The following COX7A2 variants were observed in gnomAD, a reference collection of about 807,000 sequenced individuals.
COX7A2 encodes the protein cytochrome c oxidase subunit 7A2, mitochondrial.
A neutral mutation model predicts 11.6 loss-of-function variants in COX7A2; 11 were observed. That is an observed-to-expected ratio of 0.95 (90% CI 0.60 to 1.57). The LOEUF is 1.57. Among genes scored for constraint, COX7A2 ranks in the 40% most tolerant of loss-of-function variants. The probability of loss-of-function intolerance (pLI) is 0.00; values close to 1 mark genes in which losing one functional copy is unlikely to be tolerated. For missense variants in COX7A2, 106 were observed against 100.9 expected (o/e 1.05, Z -0.22); for synonymous variants, 30 against 38.2 (o/e 0.78, Z 0.79).
chr6:75,248,503 C>G (rs533840718), upstream of COX7A2, among the ~76,000 whole-genome samples: 3 of 152,326 alleles, frequency 2.0e-5, no homozygotes, highest in South Asian at 2.1e-4. Context: ...GGAAGTCCCC[C>G]GCTTTGAGTT....
At chr6:75,244,575 C>T (rs1020598511), upstream of COX7A2, among the ~76,000 whole-genome samples, 5 of 152,092 alleles carry the variant, frequency 3.3e-5, no homozygotes, top group East Asian at 9.6e-4. Flanking sequence ...CTTAAGTAAT[C>T]CCCATTACAA....
upstream of COX7A2, among the ~76,000 whole-genome samples, chr6:75,247,388 C>A (rs1771702615): frequency 6.6e-6 from 1 of 152,102 alleles, no homozygotes; most frequent in Non-Finnish European, 1.5e-5. Context: ...AACCAACTTC[C>A]AATTTTATAA....
At chr6:75,242,825 A>AAAATAAAAT (rs1562371812) in intron 1 of COX7A2, among the ~76,000 whole-genome samples, 37 of 10,234 alleles carry the variant, frequency 3.6e-3, no homozygotes, top group Admixed American at 0.017. Flanking sequence ...TCTCAAAAAA[A>AAAATAAAAT]AAAATAAAAT....
At chr6:75,247,281 C>T (rs977162152), upstream of COX7A2, among the ~76,000 whole-genome samples, 1 of 151,858 alleles carries the variant, frequency 6.6e-6, no homozygotes, top group African/African-American at 2.4e-5. Flanking sequence ...CCTATAGAAT[C>T]GATAAGTAAC....
At position 75,240,349 on chromosome 6, in the gene COX7A2, C is replaced by A; in HGVS notation, c.145G>T (p.Val49Leu). ...GCTCTATACAGGAGGGCATCAGCTACCCCACCCTTTAGATACAGTGGAATT... is the reference window on the plus strand; with the variant it reads ...GCTCTATACAGGAGGGCATCAGCTAACCCACCCTTTAGATACAGTGGAATT... ...DEIPLYLKGG[V>L]ADALLYRATM... The change falls in exon 3 of 4, where the codon GTA (valine) becomes TTA (leucine). Residue 49 changes from valine to leucine, a missense_variant. Transcript: ENST00000684430. The A allele has an allele frequency of 6.2e-7, 1 of 1,609,256 alleles. No homozygotes were observed. Among genetic ancestry groups the A allele is most frequent in the Non-Finnish European group, 8.5e-7 (1 of 1,178,438 alleles).
chr6:75,243,625 C>T, intron 1 of COX7A2, 92 bp downstream of exon 1: 1 of 1,225,246 alleles, frequency 8.2e-7, no homozygotes, highest in Non-Finnish European at 1.2e-6. Flanking sequence ...GCCTTCGGCA[C>T]CCCTCCCAGG....
chr6:75,238,111 G>T, intron 3 of COX7A2, 123 bp from the exon 4 acceptor site: 1 of 491,184 alleles, frequency 2.0e-6, no homozygotes, highest in Non-Finnish European at 3.3e-6. Flanking sequence ...ACACAAAAAA[G>T]TATTTTGATA....
chr6:75,240,204 G>T, intron 3 of COX7A2, 97 bp downstream of exon 3: 1 of 845,962 alleles, frequency 1.2e-6, no homozygotes, highest in Non-Finnish European at 1.9e-6. Flanking sequence ...GAGACAAACT[G>T]CCTGCATTAA....
At chr6:75,243,839 T>G (rs754120103), upstream of COX7A2, 5 of 1,613,112 alleles carry the variant, frequency 3.1e-6, no homozygotes, top group African/African-American at 1.3e-5. Flanking sequence ...ATTCACGAAC[T>G]TAAATCTTTC....
intron 3 of COX7A2, among the ~76,000 whole-genome samples, chr6:75,239,736 G>A (rs1005912807): frequency 1.3e-5 from 2 of 152,178 alleles, no homozygotes; most frequent in Admixed American, 6.5e-5. Flanking sequence ...AGCCTTCACT[G>A]CCATCAATGG....
upstream of COX7A2, among the ~76,000 whole-genome samples, chr6:75,247,461 AT>A (rs1771704289): frequency 6.6e-6 from 1 of 152,204 alleles, no homozygotes; most frequent in Admixed American, 6.5e-5. Flanking sequence ...AAAAGATAAC[AT>A]TTCAATATAA....
upstream of COX7A2, chr6:75,243,861 G>C (rs1771613455): frequency 6.2e-7 from 1 of 1,600,582 alleles, no homozygotes; most frequent in Non-Finnish European, 8.6e-7. Context: ...GGGCCGAAGA[G>C]AGGCTTGCGC....
chr6:75,242,484 C>A (rs770957176), intron 1 of COX7A2, among the ~76,000 whole-genome samples: 1 of 150,884 alleles, frequency 6.6e-6, no homozygotes, highest in African/African-American at 2.4e-5. Context: ...CCAGCCTGGG[C>A]GACAAGAATG....
intron 3 of COX7A2, among the ~76,000 whole-genome samples, chr6:75,238,504 T>A (rs1441280636): frequency 1.3e-5 from 2 of 151,868 alleles, no homozygotes; most frequent in Non-Finnish European, 2.9e-5. Flanking sequence ...GGTCAGGAGT[T>A]CGAGACCAGC....
upstream of COX7A2, among the ~76,000 whole-genome samples, chr6:75,248,081 C>CTTTTTTTTTTTTT: frequency 5.6e-4 from 6 of 10,676 alleles, no homozygotes; most frequent in African/African-American, 1.8e-3. Context: ...CATCCTTTAT[C>CTTTTTTTTTTTTT]TTTTTTTTTT....
At chr6:75,242,933 T>C (rs1410655487) in intron 1 of COX7A2, among the ~76,000 whole-genome samples, 1 of 152,200 alleles carries the variant, frequency 6.6e-6, no homozygotes, top group East Asian at 1.9e-4. Flanking sequence ...TCAATTAAAA[T>C]GCTTCTCTCA....
chr6:75,243,390 G>A (rs1014017833), intron 1 of COX7A2, among the ~76,000 whole-genome samples: 1 of 151,940 alleles, frequency 6.6e-6, no homozygotes, highest in African/African-American at 2.4e-5. Context: ...TCCCCACCTG[G>A]GTCTTGGTTT....
intron 2 of COX7A2, chr6:75,240,621 C>A: frequency 2.5e-6 from 1 of 403,368 alleles, no homozygotes; most frequent in East Asian, 4.3e-5. Context: ...ATTTGAGATC[C>A]ATTAATGACG....
upstream of COX7A2, chr6:75,244,012 G>A: frequency 1.8e-6 from 1 of 545,160 alleles, no homozygotes; most frequent in Non-Finnish European, 3.3e-6. Context: ...TAAGGCTGGG[G>A]AAAAAGCAAA....
Sources: gnomAD v4.1 joint callset for allele counts (sites outside exome capture counted in the v4.1 genomes callset) on GRCh38, gnomAD v4.1.1 for gene constraint, MANE v1.5 for transcripts, NCBI Gene and HGNC (gene_info 2026-07-23, HGNC 2026-07-21) for gene names.